The following TNR variants were observed in gnomAD, a reference collection of about 807,000 sequenced individuals.
The protein encoded by TNR is tenascin-R.
TNR carries 45 observed loss-of-function variants against 150.4 expected under a neutral mutation model. That is an observed-to-expected ratio of 0.30 (90% CI 0.24 to 0.38). The LOEUF is 0.38. Among genes scored for constraint, TNR ranks in the 10% least tolerant of loss-of-function variants. The pLI is 1.00. For synonymous variants in TNR, 687 were observed against 678.4 expected (o/e 1.01, Z -0.20); for missense variants, 1,544 against 1,759.1 (o/e 0.88, Z 2.19).
chr1:175,480,705 T>C (rs1657769730), intron 2 of TNR, among the ~76,000 whole-genome samples: 2 of 152,336 alleles, frequency 1.3e-5, no homozygotes, highest in Admixed American at 6.5e-5. Context: ...TGAAATCGGA[T>C]GCTAGTAAAT....
rs547311285 is a variant in TNR at position 175,571,372 on chromosome 1, T to C, written c.-164-43003A>G. On this transcript the variant is annotated intron_variant, in intron 1 of 22. Coordinates refer to ENST00000367674, the MANE Select transcript of TNR (RefSeq NM_003285.3). Reference sequence around the variant, plus strand: ...TTTTATGTGCCAAATCCTGTGTGTATATTATCTAATTTATCCTCACAACAA... The same window carrying C: ...TTTTATGTGCCAAATCCTGTGTGTACATTATCTAATTTATCCTCACAACAA... 2.6e-5 allele frequency among the ~76,000 whole-genome samples: 4 copies of C among 152,312 alleles called. No individual in the cohort carries two copies. The East Asian group carries it at 7.7e-4, about 29-fold the overall frequency.
rs555108556 is a variant in TNR at position 175,560,432 on chromosome 1, A to G, written c.-164-32063T>C. Among the ~76,000 whole-genome samples, 95 of 152,362 alleles carry G rather than the reference A, an allele frequency of 6.2e-4. 2 individuals are homozygous for G. Among genetic ancestry groups the G allele is most frequent in the Admixed American group, 1.9e-3 (29 of 15,304 alleles). On this transcript the variant is annotated intron_variant, in intron 1 of 22. Coordinates refer to ENST00000367674, the MANE Select transcript of TNR (RefSeq NM_003285.3). The stretch of plus-strand genomic sequence containing the variant: ...GTCAATTAACCATGATGTAGCTCTC[A>G]ATTTCCATTCAATCCATAAGAATAC...
chr1:175,649,133 TCAGGCCGGCGCTGCC>T (rs1461745777), intron 1 of TNR, among the ~76,000 whole-genome samples: 1 of 152,214 alleles, frequency 6.6e-6, no homozygotes, highest in Non-Finnish European at 1.5e-5. Context: ...TCGGCCATGG[TCAGGCCGGCGCTGCC>T]CACTCTTCGC....
At chr1:175,452,743 C>G (rs1384148937) in intron 2 of TNR, among the ~76,000 whole-genome samples, 2 of 152,174 alleles carry the variant, frequency 1.3e-5, no homozygotes, top group Non-Finnish European at 2.9e-5. Context: ...TAAAGGATGA[C>G]CCTGCACACT....
chr1:175,673,567 A>T (rs1034505699), intron 1 of TNR, among the ~76,000 whole-genome samples: 1 of 152,258 alleles, frequency 6.6e-6, no homozygotes, highest in African/African-American at 2.4e-5. Flanking sequence ...TAGTCTTTCA[A>T]CAAAGGCTTC....
chr1:175,623,977 T>C lies in TNR; in HGVS notation c.-164-95608A>G, dbSNP rs115153094. On this transcript the variant is annotated intron_variant, in intron 1 of 22. Transcript: ENST00000367674. The stretch of plus-strand genomic sequence containing the variant: ...CTTATTTTTTCTAAGAATGCCCTGA[T>C]GTTTTATTTCCATCTATATAAAAAT... Among the ~76,000 whole-genome samples the C allele has an allele frequency of 5.4e-3, 830 of 152,332 alleles. 4 individuals are homozygous for C. The highest frequency in any genetic ancestry group is 0.019 in the African/African-American group (785 of 41,572).
chr1:175,535,465 G>A (rs980653867), intron 1 of TNR, among the ~76,000 whole-genome samples: 3 of 151,724 alleles, frequency 2.0e-5, no homozygotes, highest in Non-Finnish European at 4.4e-5. Context: ...TGTTGTTGTT[G>A]TTGTTGTTGT....
At chr1:175,350,063 C>T (rs2102001578) in intron 18 of TNR, among the ~76,000 whole-genome samples, 1 of 152,306 alleles carries the variant, frequency 6.6e-6, no homozygotes, top group South Asian at 2.1e-4. Flanking sequence ...TGTGAATTTC[C>T]ATGATCTGCC....
intron 18 of TNR, 120 bp downstream of exon 18, chr1:175,354,271 G>T: frequency 7.5e-7 from 1 of 1,334,964 alleles, no homozygotes. Context: ...GGGAAAAGAA[G>T]GAGGAGGCAA....
intron 1 of TNR, among the ~76,000 whole-genome samples, chr1:175,566,599 T>G (rs1661653087): frequency 6.6e-6 from 1 of 152,252 alleles, no homozygotes; most frequent in Admixed American, 6.5e-5. Context: ...GGGATCTTCC[T>G]CTTCTGACTG....
rs1052241944 is a variant in TNR at position 175,403,400 on chromosome 1, C to T, written c.716G>A (p.Cys239Tyr). 6.2e-7 allele frequency: 1 copy of T among 1,614,214 alleles called. No homozygotes were observed. The highest frequency in any genetic ancestry group is 2.2e-5 in the East Asian group (1 of 44,876). The change falls in exon 4 of 23, where the codon TGC becomes TAC. Residue 239 changes from cysteine (C) to tyrosine (Y), a missense_variant. This residue lies in a region of TNR where 1,254 missense variants were observed against 1,329.4 expected (regional missense o/e 0.94). Transcript: ENST00000367674. The stretch of plus-strand genomic sequence containing the variant: ...GTCCACGCAGAGCCCCCGGGAGCTG[C>T]AGTCTGTTGGGCACCGGAGTTCGGA... Reference protein sequence around the residue: ...DCSELRCPTDCSSRGLCVDGE... With the variant: ...DCSELRCPTDYSSRGLCVDGE...
At chr1:175,712,106 T>C (rs1467804450) in intron 1 of TNR, among the ~76,000 whole-genome samples, 2 of 152,198 alleles carry the variant, frequency 1.3e-5, no homozygotes, top group Non-Finnish European at 2.9e-5. Context: ...TATTGATAAC[T>C]GCTATGTGCC....
Position 175,554,093 on chromosome 1 carries a change from C to T in TNR, c.-164-25724G>A, listed in dbSNP as rs1661055630. Among the ~76,000 whole-genome samples the T allele has an allele frequency of 3.3e-5, 5 of 152,258 alleles. No individual in the cohort carries two copies. In the South Asian group the frequency reaches 1.0e-3, roughly 32 times the overall value. On this transcript the variant is annotated intron_variant, in intron 1 of 22. Transcript: ENST00000367674. ...ACCCAGTGACTTGGCATTTTCAATA[C>T]TTTTCAAAGGCCCGCTGCATATATT...
At chr1:175,498,602 T>G (rs770047703) in intron 2 of TNR, among the ~76,000 whole-genome samples, 1 of 152,208 alleles carries the variant, frequency 6.6e-6, no homozygotes, top group Non-Finnish European at 1.5e-5. Context: ...TCCCTCACTC[T>G]TCTATTCTTG....
At chr1:175,497,677 G>A (rs1189721197) in intron 2 of TNR, among the ~76,000 whole-genome samples, 1 of 152,168 alleles carries the variant, frequency 6.6e-6, no homozygotes, top group Non-Finnish European at 1.5e-5. Flanking sequence ...CTGGGGCTCA[G>A]ACATATTATC....
At chr1:175,727,344 T>C (rs919933212) in intron 1 of TNR, among the ~76,000 whole-genome samples, 2 of 152,130 alleles carry the variant, frequency 1.3e-5, no homozygotes, top group Non-Finnish European at 2.9e-5. Flanking sequence ...CAAGTTAACA[T>C]AGAAAAAGGA....
chr1:175,614,488 C>T (rs1663705650), intron 1 of TNR, among the ~76,000 whole-genome samples: 1 of 152,210 alleles, frequency 6.6e-6, no homozygotes, highest in Non-Finnish European at 1.5e-5. Context: ...CTCTTACCAC[C>T]TTCTTGGCAG....
chr1:175,557,309 T>C (rs924322153), intron 1 of TNR, among the ~76,000 whole-genome samples: 1 of 152,212 alleles, frequency 6.6e-6, no homozygotes, highest in African/African-American at 2.4e-5. Flanking sequence ...GGTATGATAA[T>C]GTGTGTTGTT....
chr1:175,331,157 T>TCC lies in TNR; in HGVS notation c.3632-923_3632-922insGG, dbSNP rs1557868523. Among the ~76,000 whole-genome samples the TCC allele has an allele frequency of 2.5e-3, 278 of 109,700 alleles. 3 individuals carry two copies. The highest frequency in any genetic ancestry group is 9.4e-3 in the African/African-American group (260 of 27,538). The allele number at this position is 109,700 out of a possible 152,430, so 72.0% of individuals were successfully genotyped here. A position where few individuals can be genotyped will look rare whatever the true frequency, so the allele number is the denominator to read the frequency against. ...TTTCTTTCTTTCTTCCTTTCTTTCT[T>TCC]TTTCTTTCCTTCCTTCCTTCCTTCC... On this transcript the variant is annotated intron_variant, in intron 20 of 22. Transcript: ENST00000367674.
Sources: allele counts gnomAD v4.1 joint callset (sites outside exome capture counted in the v4.1 genomes callset), GRCh38; gene constraint gnomAD v4.1.1; regional missense constraint gnomAD v4.1.1; transcripts MANE v1.5; gene names NCBI Gene and HGNC (gene_info 2026-07-23, HGNC 2026-07-21).